SBF2: variants seen among roughly 807,000 people sequenced by gnomAD.
SBF2 encodes the protein myotubularin-related protein 13.
A neutral mutation model predicts 225.2 loss-of-function variants in SBF2; 112 were observed. That is an observed-to-expected ratio of 0.50 (90% CI 0.43 to 0.58). The LOEUF (loss-of-function observed/expected upper bound fraction) is 0.58. Among genes scored for constraint, SBF2 ranks in the 20% least tolerant of loss-of-function variants. The pLI is 0.00. For synonymous variants in SBF2, 763 were observed against 773.3 expected (o/e 0.99, Z 0.22); for missense variants, 1,996 against 2,206.2 (o/e 0.90, Z 1.91).
chr11:9,900,550 C>A (rs1254019722), intron 16 of SBF2, among the ~76,000 whole-genome samples: 1 of 152,182 alleles, frequency 6.6e-6, no homozygotes, highest in African/African-American at 2.4e-5. Flanking sequence ...CAGCAGGGGC[C>A]ACGTGCGTCA....
intron 1 of SBF2, among the ~76,000 whole-genome samples, chr11:10,229,472 C>T (rs1039865470): frequency 1.3e-5 from 2 of 152,236 alleles, no homozygotes; most frequent in African/African-American, 4.8e-5. Context: ...TTTCCCTCTA[C>T]ACACTGCTTT....
chr11:10,045,985 A>G (rs908851021), intron 2 of SBF2, among the ~76,000 whole-genome samples: 28 of 152,178 alleles, frequency 1.8e-4, no homozygotes, highest in Non-Finnish European at 1.9e-4. Context: ...AAAAATAACA[A>G]TACAACTATA....
In SBF2 at chr11:9,787,942, G is replaced by C. The variant is rs1852482565; in HGVS notation, c.4933-204C>G. ...GGTGTGCCGTACTGTGGCAAAGATGGTTTATTAGGACCTATAACTAGGCCT... is the reference window on the plus strand; with the variant it reads ...GGTGTGCCGTACTGTGGCAAAGATGCTTTATTAGGACCTATAACTAGGCCT... On this transcript the variant is annotated intron_variant, in intron 35 of 39. Transcript: ENST00000256190. The C allele has an allele frequency of 1.6e-5, 10 of 609,890 alleles. No individual in the cohort carries two copies. The East Asian group carries it at 2.8e-4, about 17-fold the overall frequency. 37.8% of individuals were successfully genotyped at this position (609,890 alleles called of 1,614,324 possible).
At chr11:10,207,230 C>G (rs1331762403) in intron 1 of SBF2, among the ~76,000 whole-genome samples, 1 of 151,988 alleles carries the variant, frequency 6.6e-6, no homozygotes, top group African/African-American at 2.4e-5. Context: ...ACTATGAATT[C>G]TATTTCCCAC....
chr11:10,095,569 G>A (rs537103321), intron 2 of SBF2, among the ~76,000 whole-genome samples: 2 of 152,192 alleles, frequency 1.3e-5, no homozygotes, highest in South Asian at 4.1e-4. Context: ...ATCAACTGCT[G>A]CTAGGTGTAA....
intron 14 of SBF2, among the ~76,000 whole-genome samples, chr11:9,967,126 C>T (rs1866963495): frequency 6.6e-6 from 1 of 152,168 alleles, no homozygotes; most frequent in African/African-American, 2.4e-5. Flanking sequence ...AATCCCAGGA[C>T]TTTGGGAGGC....
intron 2 of SBF2, among the ~76,000 whole-genome samples, chr11:10,075,460 C>G (rs1745197308): frequency 1.3e-5 from 2 of 152,180 alleles, no homozygotes; most frequent in Admixed American, 1.3e-4. Flanking sequence ...CCACCCAAAT[C>G]TTATGTTGAA....
At chr11:9,866,492 C>T (rs1173933588) in intron 17 of SBF2, among the ~76,000 whole-genome samples, 1 of 152,142 alleles carries the variant, frequency 6.6e-6, no homozygotes, top group Non-Finnish European at 1.5e-5. Context: ...ACAGTCTCTT[C>T]AATAAATGGT....
intron 2 of SBF2, among the ~76,000 whole-genome samples, chr11:10,142,469 C>G (rs1206451435): frequency 1.3e-5 from 2 of 152,150 alleles, no homozygotes; most frequent in Non-Finnish European, 2.9e-5. Flanking sequence ...ATTAGTTATA[C>G]TGGGGCAAAA....
At chr11:9,974,443 T>G (rs1181404335) in intron 13 of SBF2, among the ~76,000 whole-genome samples, 1 of 152,022 alleles carries the variant, frequency 6.6e-6, no homozygotes. Flanking sequence ...GGAGGGTTGC[T>G]CCTGTTGAGA....
At chr11:9,856,301 T>C (rs1225446274) in intron 19 of SBF2, among the ~76,000 whole-genome samples, 157 bp downstream of exon 19, 1 of 152,206 alleles carries the variant, frequency 6.6e-6, no homozygotes, top group African/African-American at 2.4e-5. Flanking sequence ...GTGAATCTTT[T>C]AGAAAGAAAA....
At chr11:10,229,942 G>T (rs571015730) in intron 1 of SBF2, among the ~76,000 whole-genome samples, 1 of 152,290 alleles carries the variant, frequency 6.6e-6, no homozygotes, top group East Asian at 1.9e-4. Flanking sequence ...TATTGTGTGG[G>T]AGTCTAAGTC....
intron 13 of SBF2, among the ~76,000 whole-genome samples, chr11:9,981,234 T>A (rs1946943519): frequency 6.6e-6 from 1 of 152,122 alleles, no homozygotes; most frequent in Non-Finnish European, 1.5e-5. Context: ...TAAAAATACA[T>A]CTTCCCCAGA....
upstream of SBF2, among the ~76,000 whole-genome samples, chr11:10,297,165 C>G (rs1469575857): frequency 6.6e-6 from 1 of 151,806 alleles, no homozygotes; most frequent in Admixed American, 6.6e-5. Context: ...TTTTCATTTT[C>G]TTTTTAAAAT....
At chr11:9,995,034 C>T (rs1206512540) in intron 9 of SBF2, among the ~76,000 whole-genome samples, 1 of 84,040 alleles carries the variant, frequency 1.2e-5, no homozygotes, top group Admixed American at 1.5e-4. Flanking sequence ...TAACAAGACT[C>T]TGTCTCAAAA....
intron 29 of SBF2, 35 bp downstream of exon 29, chr11:9,816,801 TATCC>T (rs1854480103): frequency 6.3e-7 from 1 of 1,596,072 alleles, no homozygotes; most frequent in Admixed American, 1.7e-5. Context: ...AGCCCTAGCG[TATCC>T]ATAAAGTTTC....
At chr11:9,851,784 T>C (rs965094797) in intron 21 of SBF2, among the ~76,000 whole-genome samples, 3 of 152,168 alleles carry the variant, frequency 2.0e-5, no homozygotes, top group Admixed American at 6.5e-5. Context: ...TATTTATTTA[T>C]TTATGAGACT....
At chr11:10,302,164 C>G (rs1964604872) in intron 1 of SBF2, among the ~76,000 whole-genome samples, 1 of 152,336 alleles carries the variant, frequency 6.6e-6, no homozygotes, top group Non-Finnish European at 1.5e-5. Flanking sequence ...ATTTCCTTCT[C>G]CATAGAACCA....
chr11:10,019,749 A>C (rs1948779432), intron 6 of SBF2, among the ~76,000 whole-genome samples: 1 of 152,192 alleles, frequency 6.6e-6, no homozygotes, highest in Admixed American at 6.5e-5. Context: ...TGAGAAAACT[A>C]AGACAGAAAC....
Sources: gnomAD v4.1 joint callset for allele counts (sites outside exome capture counted in the v4.1 genomes callset) on GRCh38, gnomAD v4.1.1 for gene constraint, MANE v1.5 for transcripts, NCBI Gene and HGNC (gene_info 2026-07-23, HGNC 2026-07-21) for gene names.